MRPS10: variants seen among roughly 807,000 people sequenced by gnomAD.
MRPS10 encodes the protein mitochondrial ribosomal protein S10.
A neutral mutation model predicts 27.5 loss-of-function variants in MRPS10; 23 were observed. The ratio of observed to expected loss-of-function variants is 0.84; its 90% CI spans 0.60 to 1.18. The LOEUF is 1.18. MRPS10 is among the 50% of genes most tolerant of loss of function. MRPS10 has a pLI of 0.00. For synonymous variants in MRPS10, 88 were observed against 84.2 expected (o/e 1.04, Z -0.25); for missense variants, 237 against 240.1 (o/e 0.99, Z 0.09).
chr6:42,214,341 ATCCC>A lies in MRPS10; in HGVS notation c.49-1_51del. ...GAAGTGTTTACAGAAAAATTCCCCA[ATCCC>A]TAAAGAAAAAAAAAGTAGGACATGT... On this transcript the variant is annotated splice_acceptor_variant and coding_sequence_variant, in exon 2 of 7. Transcript: ENST00000053468. LOFTEE classifies it high-confidence loss of function. 1 of 1,604,096 alleles carries A rather than the reference ATCCC, an allele frequency of 6.2e-7. No homozygotes were observed. The highest frequency in any genetic ancestry group is 1.1e-5 in the South Asian group (1 of 89,590).
chr6:42,211,224 A>G (rs1049866335), intron 4 of MRPS10, among the ~76,000 whole-genome samples: 66 of 152,230 alleles, frequency 4.3e-4, no homozygotes, highest in African/African-American at 1.6e-3. Context: ...TGTATTAGCC[A>G]AAAATCATCA....
chr6:42,212,155 A>G (rs1208236957), intron 3 of MRPS10, among the ~76,000 whole-genome samples: 1 of 152,226 alleles, frequency 6.6e-6, no homozygotes, highest in South Asian at 2.1e-4. Flanking sequence ...GCAACCCACA[A>G]AATTACTAAA....
rs781671344 is a variant in MRPS10 at position 42,208,999 on chromosome 6, G to A, written c.433-52C>T. 3 of 1,061,398 alleles carry A rather than the reference G, an allele frequency of 2.8e-6. No homozygotes were observed. In the South Asian group the frequency reaches 4.2e-5, roughly 15 times the overall value. The allele number at this position is 1,061,398 out of a possible 1,614,324, so 65.7% of individuals were successfully genotyped here. A position where few individuals can be genotyped will look rare whatever the true frequency, so the allele number is the denominator to read the frequency against. On this transcript the variant is annotated intron_variant, in intron 5 of 6. Coordinates refer to ENST00000053468, the MANE Select transcript of MRPS10 (RefSeq NM_018141.4). ...CATGTAAGCTGTTTGTTAAAGCACG[G>A]TTTTTTGTTTTTTTTTTTGAGATGG...
intron 3 of MRPS10, among the ~76,000 whole-genome samples, chr6:42,213,627 C>G (rs1281372799): frequency 6.6e-6 from 1 of 152,066 alleles, no homozygotes; most frequent in Non-Finnish European, 1.5e-5. Context: ...TTAAAAATTA[C>G]AAGTAACACA....
At chr6:42,216,129 G>T (rs10948028) in intron 1 of MRPS10, among the ~76,000 whole-genome samples, 81,433 of 147,116 alleles carry the variant, frequency 0.55, 24,052 homozygotes, top group East Asian at 0.83. Context: ...GTTCAAGCAA[G>T]TCTCCTGCCT....
chr6:42,212,022 TGAG>T (rs1562072925), intron 3 of MRPS10, 105 bp from the exon 4 acceptor site: 47 of 1,066,110 alleles, frequency 4.4e-5, no homozygotes, highest in Non-Finnish European at 1.4e-6. Flanking sequence ...TACTAATAAA[TGAG>T]GAGAAAAACA....
chr6:42,208,747 T>G, intron 6 of MRPS10, 111 bp downstream of exon 6: 1 of 753,104 alleles, frequency 1.3e-6, no homozygotes, highest in Non-Finnish European at 2.2e-6. Context: ...TTGCCACAGT[T>G]TAGGGCAAAC....
rs1315432693 is a variant in MRPS10 at position 42,207,708 on chromosome 6, C to T, written c.*581G>A. ...CCCTGGTAGGCAACTCTATAAAGTTCTGGGCTCCAAGAAGAGGTCAGTGCA... is the reference window on the plus strand; with the variant it reads ...CCCTGGTAGGCAACTCTATAAAGTTTTGGGCTCCAAGAAGAGGTCAGTGCA... On this transcript the variant is annotated 3_prime_UTR_variant, in exon 7 of 7. Transcript: ENST00000053468. 1 of 152,224 alleles carries T rather than the reference C, an allele frequency of 6.6e-6. No individual in the cohort carries two copies. The highest frequency in any genetic ancestry group is 6.5e-5 in the Admixed American group (1 of 15,270). 9.4% of individuals were successfully genotyped at this position (152,224 alleles called of 1,614,324 possible). A position where few individuals can be genotyped will look rare whatever the true frequency, so the allele number is the denominator to read the frequency against.
chr6:42,216,566 T>C (rs1349812337), intron 1 of MRPS10, among the ~76,000 whole-genome samples: 1 of 151,222 alleles, frequency 6.6e-6, no homozygotes, highest in Non-Finnish European at 1.5e-5. Context: ...ATCCCAGCAC[T>C]TTGGGAGGCC....
chr6:42,217,828 C>A lies in MRPS10; in HGVS notation c.22G>T (p.Gly8Cys). MAARTAF[G>C]AVCRRLWQGL... is the part of the protein sequence containing the mutation. The stretch of plus-strand genomic sequence containing the variant: ...TGCCAGAGGCGCCGGCACACAGCAC[C>A]GAACGCTGTCCGCGCCGCCATCTTG... Residue 8 changes from glycine to cysteine, a missense_variant, in exon 1 of 7, where the codon GGT (glycine) becomes TGT (cysteine). Transcript: ENST00000053468. 5.0e-6 allele frequency: 8 copies of A among 1,614,142 alleles called. No individual in the cohort carries two copies. The highest frequency in any genetic ancestry group is 6.8e-6 in the Non-Finnish European group (8 of 1,180,008).
At chr6:42,216,036 T>C (rs1582354944) in intron 1 of MRPS10, among the ~76,000 whole-genome samples, 3 of 78,678 alleles carry the variant, frequency 3.8e-5, no homozygotes, top group African/African-American at 1.0e-4. Flanking sequence ...CTTTTTTTTT[T>C]TTTTTTTGAG....
intron 1 of MRPS10, among the ~76,000 whole-genome samples, chr6:42,216,385 A>AGAGAGAGAGAGAGAGAGAGAGTGTGTGT: frequency 3.7e-4 from 22 of 58,684 alleles, no homozygotes; most frequent in Admixed American, 1.9e-3. Context: ...AGAGAGAGAG[A>AGAGAGAGAGAGAGAGAGAGAGTGTGTGT]GTGTGTGTGT....
intron 5 of MRPS10, 52 bp from the exon 6 acceptor site, chr6:42,208,999 G>GTTTTTTTT (rs375700314): frequency 7.5e-6 from 8 of 1,061,398 alleles, no homozygotes; most frequent in African/African-American, 4.1e-5. Context: ...TTAAAGCACG[G>GTTTTTTTT]TTTTTTGTTT....
At position 42,208,166 on chromosome 6, in the gene MRPS10, G is replaced by C. The variant is rs1021587683; in HGVS notation, c.*123C>G. 2 of 741,324 alleles carry C rather than the reference G, an allele frequency of 2.7e-6. No homozygotes were observed. Among genetic ancestry groups the C allele is most frequent in the African/African-American group, 1.8e-5 (1 of 55,484 alleles). The allele number at this position is 741,324 out of a possible 1,614,324, so 45.9% of individuals were successfully genotyped here. On this transcript the variant is annotated 3_prime_UTR_variant, in exon 7 of 7. Coordinates refer to ENST00000053468, the MANE Select transcript of MRPS10 (RefSeq NM_018141.4). ...CCCTGCCCTCAGCTGATGAGGGCACGAGAACTCAATGGAGCAGTTAGGGCA... is the reference window on the plus strand; with the variant it reads ...CCCTGCCCTCAGCTGATGAGGGCACCAGAACTCAATGGAGCAGTTAGGGCA...
At chr6:42,209,481 C>T (rs916229875) in intron 5 of MRPS10, among the ~76,000 whole-genome samples, 2 of 152,036 alleles carry the variant, frequency 1.3e-5, no homozygotes, top group African/African-American at 4.8e-5. Context: ...GGCACAGTGG[C>T]TCACACCTGT....
At chr6:42,214,744 T>C (rs1341459440) in intron 1 of MRPS10, among the ~76,000 whole-genome samples, 1 of 152,268 alleles carries the variant, frequency 6.6e-6, no homozygotes, top group African/African-American at 2.4e-5. Flanking sequence ...ATTGTTTTTA[T>C]AATTTGTTAA....
intron 4 of MRPS10, among the ~76,000 whole-genome samples, chr6:42,211,201 T>G (rs576637645): frequency 6.6e-6 from 1 of 152,250 alleles, no homozygotes; most frequent in East Asian, 1.9e-4. Context: ...TAGGGAAGAT[T>G]TGAAATGATG....
Position 42,211,680 on chromosome 6 carries a change from A to AG in MRPS10, c.323+100_323+101insC, listed in dbSNP as rs1582349703. Reference sequence around the variant, plus strand: ...CAGAGCGAGACTCTGTCTCAAAAAAAAAAAAAAAAAAGAGTTCAGACCTTC... The same window carrying AG: ...CAGAGCGAGACTCTGTCTCAAAAAAAGAAAAAAAAAAAGAGTTCAGACCTTC... On this transcript the variant is annotated intron_variant, in intron 4 of 6. Transcript: ENST00000053468. The AG allele has an allele frequency of 4.1e-6, 5 of 1,223,394 alleles. 1 individual carries two copies. The East Asian group carries it at 1.3e-4, about 33-fold the overall frequency. 75.8% of individuals were successfully genotyped at this position (1,223,394 alleles called of 1,614,324 possible).
intron 1 of MRPS10, among the ~76,000 whole-genome samples, chr6:42,216,385 A>AGAGAGAGAGAGAGAGAGAGAGAGAGT: frequency 3.4e-5 from 2 of 58,642 alleles, no homozygotes; most frequent in Non-Finnish European, 8.0e-5. Context: ...AGAGAGAGAG[A>AGAGAGAGAGAGAGAGAGAGAGAGAGT]GTGTGTGTGT....
Sources: allele counts gnomAD v4.1 joint callset (sites outside exome capture counted in the v4.1 genomes callset), GRCh38; gene constraint gnomAD v4.1.1; transcripts MANE v1.5; gene names NCBI Gene and HGNC (gene_info 2026-07-23, HGNC 2026-07-21).